The following BPTF variants were observed in gnomAD, a reference collection of about 807,000 sequenced individuals.
BPTF encodes bromodomain PHD finger transcription factor.
BPTF carries 18 observed loss-of-function variants against 292.5 expected under a neutral mutation model. That is an observed-to-expected ratio of 0.06 (90% CI 0.04 to 0.09). BPTF has a LOEUF of 0.09. Ranked by LOEUF, BPTF falls within the 10% of genes least tolerant of loss-of-function variation. The pLI is 1.00. For synonymous variants in BPTF, 1,225 were observed against 1,251.9 expected (o/e 0.98, Z 0.45); for missense variants, 2,726 against 3,498.7 (o/e 0.78, Z 5.57).
At chr17:67,905,969 C>A (rs1379877039) in intron 9 of BPTF, among the ~76,000 whole-genome samples, 1 of 152,024 alleles carries the variant, frequency 6.6e-6, no homozygotes, top group Non-Finnish European at 1.5e-5. Flanking sequence ...TTAATGGGTG[C>A]AGCACACCAA....
chr17:67,877,041 CAA>C (rs2060092205), intron 4 of BPTF, among the ~76,000 whole-genome samples: 1 of 152,010 alleles, frequency 6.6e-6, no homozygotes, highest in South Asian at 2.1e-4. Flanking sequence ...AAAAACAAAA[CAA>C]TGATCAAACA....
intron 24 of BPTF, among the ~76,000 whole-genome samples, chr17:67,962,802 A>G (rs1185364335): frequency 2.0e-5 from 3 of 152,194 alleles, no homozygotes; most frequent in Non-Finnish European, 2.9e-5. Context: ...TTGACCATTT[A>G]TCTTCTACAC....
chr17:67,907,108 C>A (rs1157148302), intron 9 of BPTF, among the ~76,000 whole-genome samples: 1 of 151,020 alleles, frequency 6.6e-6, no homozygotes, highest in African/African-American at 2.4e-5. Context: ...TCGTTTGAGC[C>A]CAGGAGTTCA....
At chr17:67,974,289 C>A (rs2069130435) in intron 26 of BPTF, 1 of 148,998 alleles carries the variant, frequency 6.7e-6, no homozygotes, top group African/African-American at 2.5e-5. Context: ...TGCTCTACAG[C>A]AAAAAAAAAA....
At chr17:67,857,665 C>T (rs1268462116) in intron 2 of BPTF, among the ~76,000 whole-genome samples, 1 of 151,784 alleles carries the variant, frequency 6.6e-6, no homozygotes, top group African/African-American at 2.4e-5. Context: ...CAGGGTTTCA[C>T]CATGTTACTC....
chr17:67,879,460 A>T (rs2060255802), intron 4 of BPTF, among the ~76,000 whole-genome samples: 1 of 151,934 alleles, frequency 6.6e-6, no homozygotes. Context: ...TTATTTCTTA[A>T]ATGTTTGCTG....
chr17:67,919,538 C>T (rs1245189585), intron 12 of BPTF, among the ~76,000 whole-genome samples: 3 of 151,980 alleles, frequency 2.0e-5, no homozygotes, highest in African/African-American at 7.3e-5. Context: ...AACCCTGTCT[C>T]TTAAAAAAAA....
At chr17:67,910,370 T>C (rs540533448) in intron 10 of BPTF, among the ~76,000 whole-genome samples, 4 of 152,182 alleles carry the variant, frequency 2.6e-5, no homozygotes, top group Non-Finnish European at 5.9e-5. Flanking sequence ...CTTGGCGATA[T>C]ACCTAGGAAT....
At chr17:67,940,289 G>A in intron 18 of BPTF, 150 bp from the exon 19 acceptor site, 1 of 726,880 alleles carries the variant, frequency 1.4e-6, no homozygotes, top group Non-Finnish European at 2.3e-6. Flanking sequence ...TTGGATGTGG[G>A]TATATGTCTG....
Position 67,912,225 on chromosome 17 carries a change from C to T in BPTF, c.4341C>T (p.Ile1447=), listed in dbSNP as rs757112658. The change falls in exon 11 of 28, where the codon ATC becomes ATT. Residue 1447 remains isoleucine, a synonymous_variant. Coordinates refer to ENST00000306378, the MANE Select transcript of BPTF (RefSeq NM_182641.4). The part of the protein sequence containing the change: ...EPKVNNINKI[I]PENDIKSLTV... ...AGGTTAATAATATAAATAAAATAAT[C>T]CCTGAGAATGATATTAAATCATTGA... 5 of 1,608,778 alleles carry T rather than the reference C, an allele frequency of 3.1e-6. No individual in the cohort carries two copies. In the South Asian group the frequency reaches 4.4e-5, roughly 14 times the overall value.
At chr17:67,954,198 C>T (rs1477532431) in intron 23 of BPTF, among the ~76,000 whole-genome samples, 6 of 150,678 alleles carry the variant, frequency 4.0e-5, no homozygotes, top group East Asian at 3.9e-4. Flanking sequence ...TTGTTGTTGT[C>T]GTTGTTTTTT....
At chr17:67,967,316 AT>A (rs1216698354) in intron 26 of BPTF, among the ~76,000 whole-genome samples, 2 of 149,698 alleles carry the variant, frequency 1.3e-5, no homozygotes, top group African/African-American at 4.9e-5. Context: ...TAATTTTTAT[AT>A]TTTTTGTAGA....
chr17:67,950,364 C>T (rs115710386), intron 23 of BPTF, among the ~76,000 whole-genome samples: 1,647 of 151,996 alleles, frequency 0.011, 29 homozygotes, highest in African/African-American at 0.038. Flanking sequence ...CAGTTAAAGT[C>T]AGAAACCAGA....
chr17:67,920,696 A>G (rs1243858230), intron 13 of BPTF, among the ~76,000 whole-genome samples: 5 of 152,180 alleles, frequency 3.3e-5, no homozygotes, highest in African/African-American at 1.2e-4. Context: ...GTATTATAAT[A>G]TCAGTGTTAT....
intron 4 of BPTF, among the ~76,000 whole-genome samples, chr17:67,876,287 T>C (rs9899296): frequency 2.6e-5 from 4 of 152,146 alleles, no homozygotes; most frequent in African/African-American, 7.2e-5. Flanking sequence ...AAGTAAGTTA[T>C]AGCACACCAA....
chr17:67,964,726 CAT>C lies in BPTF; in HGVS notation c.8454+323_8454+324del, dbSNP rs880002907. Among the ~76,000 whole-genome samples the C allele has an allele frequency of 5.2e-3, 792 of 152,290 alleles. 3 individuals carry two copies. Among genetic ancestry groups the C allele is most frequent in the Non-Finnish European group, 9.2e-3 (625 of 68,026 alleles). On this transcript the variant is annotated intron_variant, in intron 25 of 27. Coordinates refer to ENST00000306378, the MANE Select transcript of BPTF (RefSeq NM_182641.4). The stretch of plus-strand genomic sequence containing the variant: ...TAGATTATAGTTGTTCTTGGCCGGG[CAT>C]GGTGGCTCATGCCTGTAATCCCAGC...
Position 67,920,157 on chromosome 17 carries a change from T to C in BPTF, c.5557+14T>C. ...AAACACCAAAAGGTAAGAAATAGAA[T>C]TCTATTCTTTCATGATTAACCTGTT... On this transcript the variant is annotated intron_variant, in intron 13 of 27. Coordinates refer to ENST00000306378, the MANE Select transcript of BPTF (RefSeq NM_182641.4). 7.5e-6 allele frequency: 12 copies of C among 1,604,000 alleles called. No homozygotes were observed. Among genetic ancestry groups the C allele is most frequent in the Non-Finnish European group, 1.0e-5 (12 of 1,173,750 alleles).
At chr17:67,929,908 G>A (rs1417511452) in intron 17 of BPTF, among the ~76,000 whole-genome samples, 1 of 152,084 alleles carries the variant, frequency 6.6e-6, no homozygotes. Flanking sequence ...TTGAGCTCAG[G>A]AGTACAGGGC....
chr17:67,935,463 A>G (rs963760117), intron 18 of BPTF, among the ~76,000 whole-genome samples: 1 of 152,076 alleles, frequency 6.6e-6, no homozygotes, highest in Non-Finnish European at 1.5e-5. Context: ...GAGGGAGGAA[A>G]TGAAAGCACA....
Sources: gnomAD v4.1 joint callset for allele counts (sites outside exome capture counted in the v4.1 genomes callset) on GRCh38, gnomAD v4.1.1 for gene constraint, MANE v1.5 for transcripts, NCBI Gene and HGNC (gene_info 2026-07-23, HGNC 2026-07-21) for gene names.